ADCY9: variants seen among roughly 807,000 people sequenced by gnomAD.
ADCY9 encodes adenylate cyclase 9.
A neutral mutation model predicts 101.5 loss-of-function variants in ADCY9; 50 were observed. The ratio of observed to expected loss-of-function variants is 0.49; its 90% CI spans 0.39 to 0.62. The LOEUF (loss-of-function observed/expected upper bound fraction) is 0.62, where lower values mean the gene tolerates loss of function less well. Ranked by LOEUF, ADCY9 falls within the 20% of genes least tolerant of loss-of-function variation. The pLI is 0.00. For missense variants in ADCY9, 1,662 were observed against 1,800.4 expected (o/e 0.92, Z 1.39); for synonymous variants, 905 against 769.3 (o/e 1.18, Z -2.92).
At chr16:4,048,668 G>A (rs569743536) in intron 2 of ADCY9, among the ~76,000 whole-genome samples, 6 of 152,256 alleles carry the variant, frequency 3.9e-5, no homozygotes, top group African/African-American at 7.2e-5. Context: ...GAGACACAGC[G>A]ATGCCCCACT....
intron 2 of ADCY9, among the ~76,000 whole-genome samples, chr16:4,039,133 C>T (rs1274340724): frequency 1.3e-5 from 2 of 152,136 alleles, no homozygotes; most frequent in African/African-American, 2.4e-5. Flanking sequence ...CTCCTGCTAA[C>T]AGAACAGAGC....
At chr16:4,039,235 C>T (rs538432360) in intron 2 of ADCY9, among the ~76,000 whole-genome samples, 105 of 152,292 alleles carry the variant, frequency 6.9e-4, no homozygotes, top group African/African-American at 2.5e-3. Flanking sequence ...TTTGCCGCTT[C>T]CCCACGTACT....
intron 2 of ADCY9, among the ~76,000 whole-genome samples, chr16:4,023,611 C>T (rs957695977): frequency 6.6e-6 from 1 of 152,104 alleles, no homozygotes; most frequent in Non-Finnish European, 1.5e-5. Context: ...GCCCTGGGAG[C>T]CATTAAGAGG....
chr16:4,078,745 G>A (rs905921535), intron 2 of ADCY9, among the ~76,000 whole-genome samples: 4 of 151,910 alleles, frequency 2.6e-5, no homozygotes, highest in South Asian at 2.1e-4. Flanking sequence ...GAAATATCAC[G>A]ATTGAAAGAC....
chr16:4,060,079 G>C (rs929816757), intron 2 of ADCY9, among the ~76,000 whole-genome samples: 1 of 152,168 alleles, frequency 6.6e-6, no homozygotes, highest in African/African-American at 2.4e-5. Flanking sequence ...GGGTTGACTT[G>C]ATTTGGAGGA....
intron 10 of ADCY9, among the ~76,000 whole-genome samples, chr16:3,969,584 ATATATAT>A (rs1567414799): frequency 0.014 from 1,104 of 77,726 alleles, 65 homozygotes; most frequent in African/African-American, 0.068. Context: ...ATATATATAT[ATATATAT>A]ATATATATAT....
chr16:3,973,457 T>C (rs371864855), intron 10 of ADCY9, among the ~76,000 whole-genome samples: 1 of 152,216 alleles, frequency 6.6e-6, no homozygotes, highest in African/African-American at 2.4e-5. Context: ...TCCACCTGCC[T>C]TGGCCTCCCA....
chr16:3,969,697 T>C (rs2056034787), intron 10 of ADCY9, among the ~76,000 whole-genome samples: 2 of 144,982 alleles, frequency 1.4e-5, no homozygotes, highest in Non-Finnish European at 3.0e-5. Context: ...TCACTGCAGC[T>C]TTGACCTCCC....
chr16:4,005,748 A>G (rs1228239819), intron 3 of ADCY9, among the ~76,000 whole-genome samples: 1 of 152,158 alleles, frequency 6.6e-6, no homozygotes, highest in Non-Finnish European at 1.5e-5. Flanking sequence ...GCATCCCCTA[A>G]CGGACAGAAA....
intron 5 of ADCY9, among the ~76,000 whole-genome samples, chr16:3,990,926 A>C (rs1270942514): frequency 6.6e-6 from 1 of 152,178 alleles, no homozygotes; most frequent in African/African-American, 2.4e-5. Context: ...CAGCCTCCTG[A>C]GTAGCTGGGA....
At chr16:4,105,590 G>C (rs528935277) in intron 2 of ADCY9, among the ~76,000 whole-genome samples, 1 of 149,148 alleles carries the variant, frequency 6.7e-6, no homozygotes, top group African/African-American at 2.5e-5. Context: ...TGAGACACGA[G>C]AATTCCTTGC....
chr16:3,995,604 T>TA (rs200173203), intron 3 of ADCY9, among the ~76,000 whole-genome samples: 926 of 71,226 alleles, frequency 0.013, 5 homozygotes, highest in African/African-American at 0.034. Context: ...AAGAAATATA[T>TA]TTTTTTTTTT....
intron 2 of ADCY9, among the ~76,000 whole-genome samples, chr16:4,090,029 G>A (rs1330874384): frequency 6.6e-6 from 1 of 152,106 alleles, no homozygotes; most frequent in African/African-American, 2.4e-5. Context: ...AGCTTGGCAG[G>A]CATCCCCGGC....
intron 2 of ADCY9, among the ~76,000 whole-genome samples, chr16:4,024,196 T>A (rs2056498035): frequency 6.6e-6 from 1 of 151,882 alleles, no homozygotes; most frequent in South Asian, 2.1e-4. Flanking sequence ...CTAATTTTTG[T>A]ATTTTTAGTA....
chr16:4,089,852 A>T (rs1312400325), intron 2 of ADCY9, among the ~76,000 whole-genome samples: 1 of 152,086 alleles, frequency 6.6e-6, no homozygotes, highest in Non-Finnish European at 1.5e-5. Context: ...ACAGGGGACC[A>T]GGGCACTTCC....
At chr16:3,985,438 G>A (rs2056183535) in intron 6 of ADCY9, among the ~76,000 whole-genome samples, 1 of 152,106 alleles carries the variant, frequency 6.6e-6, no homozygotes, top group Non-Finnish European at 1.5e-5. Context: ...ACCCGGCCAG[G>A]TGTAGGAATT....
chr16:3,979,319 T>C, intron 7 of ADCY9, 44 bp from the exon 8 acceptor site: 1 of 1,605,434 alleles, frequency 6.2e-7, no homozygotes, highest in Non-Finnish European at 8.5e-7. Context: ...GGGCCCGGGG[T>C]GGGTCATCGG....
chr16:3,983,328 T>C lies in ADCY9; in HGVS notation c.2423A>G (p.Lys808Arg), dbSNP rs1481740999. The C allele has an allele frequency of 6.3e-7, 1 of 1,584,114 alleles. No individual in the cohort carries two copies. The highest frequency in any genetic ancestry group is 1.8e-5 in the Admixed American group (1 of 55,560). Residue 808 changes from lysine to arginine, a missense_variant, in exon 7 of 11, where the codon AAG becomes AGG. Physicochemically the swap from Lys to Arg is conservative, Grantham distance 26 (BLOSUM62 2). Transcript: ENST00000294016. ...GGGAGGCACGGTGGCCGCCTCGTACTTCAGGAAGCAGGTGGTGGACAGCGT... is the reference window on the plus strand; with the variant it reads ...GGGAGGCACGGTGGCCGCCTCGTACCTCAGGAAGCAGGTGGTGGACAGCGT... ...FLTLSTTCFL[K>R]YEAATVPPPP... is the part of the protein sequence containing the mutation.
At chr16:4,081,382 G>T (rs549022146) in intron 2 of ADCY9, among the ~76,000 whole-genome samples, 2 of 152,242 alleles carry the variant, frequency 1.3e-5, no homozygotes, top group African/African-American at 4.8e-5. Flanking sequence ...GGAGCTGGCC[G>T]CACAGGAGAC....
Sources: gnomAD v4.1 joint callset for allele counts (sites outside exome capture counted in the v4.1 genomes callset) on GRCh38, gnomAD v4.1.1 for gene constraint, MANE v1.5 for transcripts, NCBI Gene and HGNC (gene_info 2026-07-23, HGNC 2026-07-21) for gene names.